The following RXFP1 variants were observed in gnomAD, a reference collection of about 807,000 sequenced individuals.
The protein encoded by RXFP1 is relaxin receptor 1.
Under a neutral mutation model 89.8 loss-of-function variants are expected in RXFP1, and 73 were observed. That is an observed-to-expected ratio of 0.81 (90% CI 0.67 to 0.99). The LOEUF is 0.99. RXFP1 is among the 50% of genes least tolerant of loss of function. The pLI is 0.00. For synonymous variants in RXFP1, 277 were observed against 305.5 expected (o/e 0.91, Z 0.97); for missense variants, 793 against 895.5 (o/e 0.89, Z 1.46).
chr4:158,618,604 A>T (rs950419770), intron 9 of RXFP1, among the ~76,000 whole-genome samples: 1 of 152,068 alleles, frequency 6.6e-6, no homozygotes, highest in African/African-American at 2.4e-5. Flanking sequence ...CCTTTTTATA[A>T]CTAATGATAC....
chr4:158,597,418 C>T (rs1430171252), intron 3 of RXFP1, among the ~76,000 whole-genome samples: 1 of 152,096 alleles, frequency 6.6e-6, no homozygotes, highest in East Asian at 1.9e-4. Flanking sequence ...CAGAAGCTAC[C>T]AGCATTAACT....
intron 2 of RXFP1, among the ~76,000 whole-genome samples, chr4:158,585,351 A>G (rs1422753300): frequency 1.3e-5 from 2 of 152,294 alleles, no homozygotes; most frequent in East Asian, 3.9e-4. Flanking sequence ...TATTTCAGAA[A>G]AGCCTGATAA....
intron 1 of RXFP1, among the ~76,000 whole-genome samples, chr4:158,527,330 G>A (rs1742766297): frequency 1.3e-5 from 2 of 151,618 alleles, no homozygotes; most frequent in South Asian, 4.2e-4. Flanking sequence ...ATCATTTGAG[G>A]TCAGGAGTTC....
At chr4:158,529,244 T>TTTTGTTG (rs756051922) in intron 1 of RXFP1, among the ~76,000 whole-genome samples, 23 of 110,050 alleles carry the variant, frequency 2.1e-4, no homozygotes, top group Non-Finnish European at 3.1e-4. Context: ...TTGCTTGTTT[T>TTTTGTTG]TTGTTGTTGT....
chr4:158,530,820 A>G (rs986228859), intron 1 of RXFP1, among the ~76,000 whole-genome samples: 14 of 152,146 alleles, frequency 9.2e-5, no homozygotes, highest in Admixed American at 5.9e-4. Context: ...CTTTGTTGAT[A>G]TTTTCTCAAC....
intron 1 of RXFP1, among the ~76,000 whole-genome samples, chr4:158,542,109 A>ATATATTTTT: frequency 1.2e-3 from 42 of 35,212 alleles, no homozygotes; most frequent in South Asian, 4.1e-3. Flanking sequence ...ATATATATAT[A>ATATATTTTT]TTTTTTTTTT....
intron 1 of RXFP1, among the ~76,000 whole-genome samples, chr4:158,547,451 C>CTTGCTCTGACTTT (rs1748770377): frequency 6.6e-6 from 1 of 152,136 alleles, no homozygotes; most frequent in South Asian, 2.1e-4. Flanking sequence ...CTATTTCCTT[C>CTTGCTCTGACTTT]AGTTCTGCTC....
At chr4:158,627,109 AAT>A (rs61293082) in intron 10 of RXFP1, among the ~76,000 whole-genome samples, 33,589 of 151,998 alleles carry the variant, frequency 0.22, 5,470 homozygotes, top group African/African-American at 0.46. Flanking sequence ...ATTGTGAAAA[AAT>A]AGTTACAATC....
intron 8 of RXFP1, among the ~76,000 whole-genome samples, chr4:158,613,426 C>G (rs1763938702): frequency 6.6e-6 from 1 of 152,226 alleles, no homozygotes. Context: ...ACTCTCAAAT[C>G]CTCCCAATGC....
chr4:158,594,520 C>G (rs1470752956), intron 3 of RXFP1, among the ~76,000 whole-genome samples: 1 of 150,630 alleles, frequency 6.6e-6, no homozygotes, highest in Non-Finnish European at 1.5e-5. Context: ...TTTTGCTGAT[C>G]TTCTAGTGCC....
At chr4:158,532,623 G>A (rs1744334124) in intron 1 of RXFP1, among the ~76,000 whole-genome samples, 1 of 152,152 alleles carries the variant, frequency 6.6e-6, no homozygotes, top group African/African-American at 2.4e-5. Context: ...ACGGATGAGT[G>A]ACACCAGCAC....
At chr4:158,544,042 A>G (rs1579464547) in intron 1 of RXFP1, 2 of 985,206 alleles carry the variant, frequency 2.0e-6, no homozygotes, top group Non-Finnish European at 2.4e-6. Flanking sequence ...GATCGGATCA[A>G]TTCAGCTGTT....
intron 9 of RXFP1, 68 bp downstream of exon 9, chr4:158,617,273 T>C: frequency 1.7e-6 from 2 of 1,148,944 alleles, no homozygotes; most frequent in Non-Finnish European, 2.6e-6. Context: ...TCATTCCAGA[T>C]ATAAGATTGT....
intron 1 of RXFP1, chr4:158,544,003 T>C: frequency 1.0e-6 from 1 of 985,462 alleles, no homozygotes; most frequent in Non-Finnish European, 1.2e-6. Flanking sequence ...GCCCCTACCT[T>C]GGGCATTTAA....
At chr4:158,633,004 T>C (rs1235066257) in intron 11 of RXFP1, among the ~76,000 whole-genome samples, 1 of 152,124 alleles carries the variant, frequency 6.6e-6, no homozygotes, top group Non-Finnish European at 1.5e-5. Flanking sequence ...ACCCCGTCTC[T>C]ACTAAAAATA....
rs1391859179 is a variant in RXFP1 at position 158,652,864 on chromosome 4, G to A, written c.*809G>A. On this transcript the variant is annotated 3_prime_UTR_variant, in exon 18 of 18. Coordinates refer to ENST00000307765, the MANE Select transcript of RXFP1 (RefSeq NM_021634.4). Reference sequence around the variant, plus strand: ...TAAATCCTTGTATTGTCAGTTAACTGATTTTCAACAAGGATGCCAAGACAA... The same window carrying A: ...TAAATCCTTGTATTGTCAGTTAACTAATTTTCAACAAGGATGCCAAGACAA... 1 of 152,192 alleles carries A rather than the reference G, an allele frequency of 6.6e-6. No individual in the cohort carries two copies. The highest frequency in any genetic ancestry group is 1.9e-4 in the East Asian group (1 of 5,206). The allele number at this position is 152,192 out of a possible 1,614,324, so 9.4% of individuals were successfully genotyped here. A position where few individuals can be genotyped will look rare whatever the true frequency, so the allele number is the denominator to read the frequency against.
At chr4:158,522,696 T>A (rs1741482804) in intron 1 of RXFP1, among the ~76,000 whole-genome samples, 1 of 152,236 alleles carries the variant, frequency 6.6e-6, no homozygotes, top group Admixed American at 6.5e-5. Flanking sequence ...AAGCTCCATT[T>A]GAATTATAGT....
At chr4:158,646,428 A>G in intron 15 of RXFP1, 1 of 1,178,132 alleles carries the variant, frequency 8.5e-7, no homozygotes, top group Non-Finnish European at 1.1e-6. Flanking sequence ...AAGTAATGCC[A>G]TCCTCATCTG....
chr4:158,599,368 A>C lies in RXFP1; in HGVS notation c.329A>C (p.Glu110Ala), dbSNP rs757465276. 2 of 1,613,798 alleles carry C rather than the reference A, an allele frequency of 1.2e-6. No individual in the cohort carries two copies. The highest frequency in any genetic ancestry group is 2.2e-5 in the South Asian group (2 of 91,056). The change falls in exon 4 of 18, where the codon GAG (glutamate) becomes GCG (alanine). Residue 110 changes from glutamate (E) to alanine (A), a missense_variant. Glu to Ala is a moderately radical substitution (Grantham distance 107). Transcript: ENST00000307765. ...GTGCAATGTCTTTGCCAAGGTCTGGAGCTTGACTGTGATGAAACCAATTTA... is the reference window on the plus strand; with the variant it reads ...GTGCAATGTCTTTGCCAAGGTCTGGCGCTTGACTGTGATGAAACCAATTTA... ...VPVQCLCQGL[E>A]LDCDETNLRA...
Sources: allele counts gnomAD v4.1 joint callset (sites outside exome capture counted in the v4.1 genomes callset), GRCh38; gene constraint gnomAD v4.1.1; transcripts MANE v1.5; gene names NCBI Gene and HGNC (gene_info 2026-07-23, HGNC 2026-07-21).